Variants in MUC15 observed in about 807,000 individuals in gnomAD.
The protein encoded by MUC15 is mucin-15.
Under a neutral mutation model 24.0 loss-of-function variants are expected in MUC15, and 23 were observed. The observed-to-expected ratio is 0.96, with a 90% CI of 0.69 to 1.36. The LOEUF (loss-of-function observed/expected upper bound fraction) is 1.36, where lower values mean the gene tolerates loss of function less well. MUC15 is among the 40% of genes most tolerant of loss of function. The pLI, the probability that MUC15 is intolerant of heterozygous loss-of-function variation, is 0.00. For synonymous variants in MUC15, 151 were observed against 156.3 expected, an observed-to-expected ratio of 0.97 and a Z score of 0.25; for missense variants, 442 against 428.2, an observed-to-expected ratio of 1.03 and a Z score of -0.29.
rs1420974323 is a variant in MUC15 at position 26,565,690 on chromosome 11, A to T, written c.250T>A (p.Ser84Thr). 2 of 1,613,162 alleles carry T rather than the reference A, an allele frequency of 1.2e-6. No homozygotes were observed. The highest frequency in any genetic ancestry group is 2.7e-5 in the African/African-American group (2 of 74,848). The part of the protein sequence containing the change: ...ISLESEANLN[S>T]DKENITTSNL... ...GAGGTGGTTATATTTTCTTTATCTG[A>T]GTTTAAGTTTGCTTCACTTTCCAAA... Residue 84 changes from serine (S) to threonine (T), a missense_variant, in exon 3 of 5, where the codon TCA becomes ACA. Physicochemically the swap from Ser to Thr is moderately conservative, Grantham distance 58 (BLOSUM62 1). Transcript: ENST00000529533.
intron 1 of MUC15, among the ~76,000 whole-genome samples, chr11:26,570,132 A>AT (rs886787998): frequency 3.3e-5 from 5 of 151,976 alleles, no homozygotes; most frequent in South Asian, 2.1e-4. Flanking sequence ...ATATATTAAC[A>AT]TTTTTTTTGT....
At chr11:26,565,980 A>C in intron 2 of MUC15, 84 bp from the exon 3 acceptor site, 2 of 1,263,840 alleles carry the variant, frequency 1.6e-6, no homozygotes, top group Middle Eastern at 5.6e-4. Context: ...AAAGTGATAA[A>C]AATCTAGACA....
intron 2 of MUC15, among the ~76,000 whole-genome samples, chr11:26,566,193 A>AT (rs1306396010): frequency 6.6e-6 from 1 of 151,954 alleles, no homozygotes; most frequent in East Asian, 1.9e-4. Context: ...GAAGAAAACC[A>AT]TAAAAACCCA....
At chr11:26,569,834 C>T (rs1034248885) in intron 1 of MUC15, among the ~76,000 whole-genome samples, 2 of 151,940 alleles carry the variant, frequency 1.3e-5, no homozygotes, top group African/African-American at 2.4e-5. Context: ...CATCTGTCAG[C>T]CAGGTGCACT....
Position 26,565,747 on chromosome 11 carries a change from C to T in MUC15, c.193G>A (p.Val65Ile), listed in dbSNP as rs1850551104. 3 of 1,613,200 alleles carry T rather than the reference C, an allele frequency of 1.9e-6. No individual in the cohort carries two copies. Among genetic ancestry groups the T allele is most frequent in the African/African-American group, 2.7e-5 (2 of 74,864 alleles). Reference protein sequence around the residue: ...DINTTQNIAEVFKTMENKPIS... With the variant: ...DINTTQNIAEIFKTMENKPIS... ...GGTTTATTTTCCATTGTTTTAAAAACTTCTGCAATGTTCTGTGTTGTGTTT... is the reference window on the plus strand; with the variant it reads ...GGTTTATTTTCCATTGTTTTAAAAATTTCTGCAATGTTCTGTGTTGTGTTT... The change falls in exon 3 of 5, where the codon GTT (valine) becomes ATT (isoleucine). Residue 65 changes from valine (V) to isoleucine (I), a missense_variant. Physicochemically the swap from Val to Ile is conservative, Grantham distance 29. Coordinates refer to ENST00000529533, the MANE Select transcript of MUC15 (RefSeq NM_001135091.2).
At chr11:26,568,558 TAA>T (rs959544378) in intron 1 of MUC15, among the ~76,000 whole-genome samples, 1 of 151,952 alleles carries the variant, frequency 6.6e-6, no homozygotes, top group Non-Finnish European at 1.5e-5. Context: ...ACTGATAATA[TAA>T]GTCTTTCTAT....
intron 3 of MUC15, among the ~76,000 whole-genome samples, chr11:26,564,726 CACACACATATATATATATATATAT>C (rs1312085425): frequency 1.1e-3 from 52 of 49,316 alleles, no homozygotes; most frequent in African/African-American, 1.3e-3. Flanking sequence ...CACACACACA[CACACACATATATATATATATATAT>C]ATATATATAT....
intron 3 of MUC15, 144 bp downstream of exon 3, chr11:26,565,021 T>C (rs1850510185): frequency 4.0e-6 from 3 of 748,402 alleles, no homozygotes; most frequent in Admixed American, 3.6e-5. Context: ...GTGACTATAA[T>C]GATCATCCCT....
intron 2 of MUC15, 134 bp downstream of exon 2, chr11:26,566,918 G>A: frequency 1.4e-6 from 1 of 702,102 alleles, no homozygotes; most frequent in Non-Finnish European, 2.0e-6. Context: ...TTAGGTAGCA[G>A]CACTCTAAAC....
At chr11:26,567,212 G>T in intron 1 of MUC15, 73 bp from the exon 2 acceptor site, 1 of 974,930 alleles carries the variant, frequency 1.0e-6, no homozygotes, top group Non-Finnish European at 1.4e-6. Flanking sequence ...AAAATTTGCA[G>T]TGCTTTTAAT....
rs1211944950 is a variant in MUC15, at chr11:26,572,159, G to A, written c.-164C>T. Reference sequence around the variant, plus strand: ...GTTAAGTGTGACAATGTCGCACTGAGCAGGAGGGTGCCAGGGAAACAAAAT... The same window carrying A: ...GTTAAGTGTGACAATGTCGCACTGAACAGGAGGGTGCCAGGGAAACAAAAT... On this transcript the variant is annotated 5_prime_UTR_variant, in exon 1 of 5. Transcript: ENST00000529533. The A allele has an allele frequency of 1.0e-6, 1 of 985,328 alleles. No homozygotes were observed. The allele number at this position is 985,328 out of a possible 1,614,324, so 61.0% of individuals were successfully genotyped here.
In MUC15 at chr11:26,561,069, A is replaced by G. The variant is rs778275681; in HGVS notation, c.1082T>C (p.Val361Ala). Residue 361 changes from valine (V) to alanine (A), a missense_variant, in exon 5 of 5, where the codon GTA becomes GCA. Transcript: ENST00000529533. Reference sequence around the variant, plus strand: ...AACGCCTTTTTGCTGTTAGTTCTATACAGAAGTACGAAGTGGAGGTATGTC... The same window carrying G: ...AACGCCTTTTTGCTGTTAGTTCTATGCAGAAGTACGAAGTGGAGGTATGTC... ...MDDIPPLRTSV is the reference protein window; with the variant it reads ...MDDIPPLRTSA 2 of 1,609,870 alleles carry G rather than the reference A, an allele frequency of 1.2e-6. No individual in the cohort carries two copies. The highest frequency in any genetic ancestry group is 1.7e-5 in the Admixed American group (1 of 59,528).
intron 1 of MUC15, among the ~76,000 whole-genome samples, chr11:26,571,328 TA>T (rs1298321452): frequency 7.2e-5 from 11 of 151,932 alleles, no homozygotes; most frequent in South Asian, 2.1e-4. Flanking sequence ...ATCCTTTTAA[TA>T]AAAAAAGAGG....
Position 26,565,174 on chromosome 11 carries a change from G to T in MUC15, c.766C>A (p.Pro256Thr). 2 of 1,501,980 alleles carry T rather than the reference G, an allele frequency of 1.3e-6. No individual in the cohort carries two copies. Among genetic ancestry groups the T allele is most frequent in the African/African-American group, 1.4e-5 (1 of 71,278 alleles). The allele number at this position is 1,501,980 out of a possible 1,614,324, so 93.0% of individuals were successfully genotyped here. The part of the protein sequence containing the change: ...NSKLFPNTSD[P>T]QKENRNTGIV... ...AATCATTTATATTTACCTTTTTGGG[G>T]ATCTGACGTATTTGGAAAGAGTTTT... Residue 256 changes from proline (P) to threonine (T), a missense_variant, in exon 3 of 5, where the codon CCC (proline) becomes ACC (threonine). By Grantham distance (38) the Pro-to-Thr change is conservative (BLOSUM62 -1). Transcript: ENST00000529533.
At position 26,565,720 on chromosome 11, in the gene MUC15, T is replaced by C; in HGVS notation, c.220A>G (p.Ile74Val). 1.2e-6 allele frequency: 2 copies of C among 1,613,352 alleles called. No homozygotes were observed. The highest frequency in any genetic ancestry group is 1.7e-6 in the Non-Finnish European group (2 of 1,179,556). The change falls in exon 3 of 5, where the codon ATT becomes GTT. Residue 74 changes from isoleucine to valine, a missense_variant. Transcript: ENST00000529533. ...EVFKTMENKPISLESEANLNS... is the reference protein window; with the variant it reads ...EVFKTMENKPVSLESEANLNS... ...AAGTTTGCTTCACTTTCCAAAGAAA[T>C]AGGTTTATTTTCCATTGTTTTAAAA...
At position 26,559,776 on chromosome 11, in the gene MUC15, T is replaced by C. The variant is rs770822978; in HGVS notation, c.*1289A>G. On this transcript the variant is annotated 3_prime_UTR_variant, in exon 5 of 5. Coordinates refer to ENST00000529533, the MANE Select transcript of MUC15 (RefSeq NM_001135091.2). ...CTTCTTTGCTATTTTTATGGCAATA[T>C]GGGGTAAGTACTTTCTTCATTACTT... 2 of 1,607,078 alleles carry C rather than the reference T, an allele frequency of 1.2e-6. No individual in the cohort carries two copies. Among genetic ancestry groups the C allele is most frequent in the Non-Finnish European group, 1.7e-6 (2 of 1,174,432 alleles).
Position 26,560,936 on chromosome 11 carries a change from C to T in MUC15, c.*129G>A, listed in dbSNP as rs1254414580. The T allele has an allele frequency of 3.3e-6, 3 of 909,456 alleles. No individual in the cohort carries two copies. Among genetic ancestry groups the T allele is most frequent in the Admixed American group, 3.1e-5 (1 of 32,742 alleles). 56.3% of individuals were successfully genotyped at this position (909,456 alleles called of 1,614,324 possible). A position where few individuals can be genotyped will look rare whatever the true frequency, so the allele number is the denominator to read the frequency against. On this transcript the variant is annotated 3_prime_UTR_variant, in exon 5 of 5. Coordinates refer to ENST00000529533, the MANE Select transcript of MUC15 (RefSeq NM_001135091.2). The stretch of plus-strand genomic sequence containing the variant: ...CTGTCTACATTTCTGCTACTGGTCT[C>T]CTGCTTTTATGATTCTCCTTGACAA...
chr11:26,565,869 T>A lies in MUC15; in HGVS notation c.71A>T (p.Lys24Met). ...GGCTAAGGCCAACATTGTAGGCTTC[T>A]TTGGTATTGGTTTTTTTTTAAAGGA... ...CYSFKKKPIP[K>M]KPTMLALAKI... The change falls in exon 3 of 5, where the codon AAG (lysine) becomes ATG (methionine). Residue 24 changes from lysine to methionine, a missense_variant. Physicochemically the swap from Lys to Met is moderately conservative, Grantham distance 95. Coordinates refer to ENST00000529533, the MANE Select transcript of MUC15 (RefSeq NM_001135091.2). 6.3e-7 allele frequency: 1 copy of A among 1,585,264 alleles called. No homozygotes were observed. The highest frequency in any genetic ancestry group is 8.5e-7 in the Non-Finnish European group (1 of 1,172,262).
rs1232100970 is a variant in MUC15, at chr11:26,563,056, T to G, written c.925+60A>C. ...ACCTTCTAGGCAATGCAGTGAACATTGGCATCCTCATTTAATTAAAACCAC... is the reference window on the plus strand; with the variant it reads ...ACCTTCTAGGCAATGCAGTGAACATGGGCATCCTCATTTAATTAAAACCAC... On this transcript the variant is annotated intron_variant, in intron 4 of 4. Coordinates refer to ENST00000529533, the MANE Select transcript of MUC15 (RefSeq NM_001135091.2). 5 of 1,583,166 alleles carry G rather than the reference T, an allele frequency of 3.2e-6. No individual in the cohort carries two copies. The African/African-American group carries it at 4.1e-5, about 13-fold the overall frequency.
Sources: gnomAD v4.1 joint callset for allele counts (sites outside exome capture counted in the v4.1 genomes callset) on GRCh38, gnomAD v4.1.1 for gene constraint, MANE v1.5 for transcripts, NCBI Gene and HGNC (gene_info 2026-07-23, HGNC 2026-07-21) for gene names.